Variants in ZSCAN1 observed in about 807,000 individuals in gnomAD.
ZSCAN1 encodes zinc finger and SCAN domain-containing protein 1.
In ZSCAN1, 23 loss-of-function variants were observed where a neutral mutation model predicts 23.8. That is an observed-to-expected ratio of 0.97 (90% confidence interval 0.70 to 1.37). The LOEUF is 1.37. ZSCAN1 is among the 40% of genes most tolerant of loss of function. The pLI is 0.00. For missense variants in ZSCAN1, 575 were observed against 554.0 expected, an observed-to-expected ratio of 1.04 and a Z score of -0.38; for synonymous variants, 236 against 232.3, an observed-to-expected ratio of 1.02 and a Z score of -0.15.
chr19:58,052,890 G>A lies in ZSCAN1; in HGVS notation c.604+262G>A, dbSNP rs142112211. On this transcript the variant is annotated intron_variant, in intron 5 of 5. Transcript: ENST00000282326. ...AGACAGTCTGAGAGTGTTGGAGCAC[G>A]GGGTTACCCAGAGGGCCAGCCAGGT... is the stretch of plus-strand genomic sequence containing the variant. Among the ~76,000 whole-genome samples, 46 of 152,098 alleles carry A rather than the reference G, an allele frequency of 3.0e-4. 1 individual carries two copies. The East Asian group carries it at 7.4e-3, about 24-fold the overall frequency.
intron 4 of ZSCAN1, among the ~76,000 whole-genome samples, chr19:58,046,951 C>T (rs2073830391): frequency 6.6e-6 from 1 of 152,202 alleles, no homozygotes; most frequent in Admixed American, 6.5e-5. Context: ...TCTGGAGTCC[C>T]AGAATCCCTC....
Position 58,040,278 on chromosome 19 carries a change from C to G in ZSCAN1, c.371-172C>G, listed in dbSNP as rs533845809. On this transcript the variant is annotated intron_variant, in intron 3 of 5. Transcript: ENST00000282326. This position sits in a 1 kb window ranked among gnomAD's most constrained non-coding sequence, Gnocchi z 5.8. ...GCGGCCCTCGGTGTCACCACAGGTT[C>G]CTGCCCAGCAGCCACATGGAGGGAC... Among the ~76,000 whole-genome samples the G allele has an allele frequency of 3.3e-4, 50 of 152,216 alleles. No homozygotes were observed. The highest frequency in any genetic ancestry group is 1.2e-3 in the African/African-American group (48 of 41,520).
intron 4 of ZSCAN1, among the ~76,000 whole-genome samples, chr19:58,042,482 T>A (rs2073796989): frequency 6.6e-6 from 1 of 152,032 alleles, no homozygotes; most frequent in African/African-American, 2.4e-5. Flanking sequence ...ATGGTCTCGA[T>A]CTCCTGACCT....
At chr19:58,046,136 T>C (rs2073823964) in intron 4 of ZSCAN1, 2 of 710,938 alleles carry the variant, frequency 2.8e-6, no homozygotes, top group Non-Finnish European at 5.1e-6. Context: ...TCAGAGACCA[T>C]GAAGGACACT....
intron 4 of ZSCAN1, among the ~76,000 whole-genome samples, chr19:58,043,349 G>A (rs2123428445): frequency 6.6e-6 from 1 of 152,354 alleles, no homozygotes; most frequent in African/African-American, 2.4e-5. Context: ...CACAGCACGG[G>A]GCTGCACTGA....
rs543027965 is a variant in ZSCAN1, at chr19:58,047,885, G to A, written c.466-4605G>A. 2.6e-5 allele frequency among the ~76,000 whole-genome samples: 4 copies of A among 152,324 alleles called. No individual in the cohort carries two copies. The highest frequency in any genetic ancestry group is 1.9e-4 in the East Asian group (1 of 5,176). On this transcript the variant is annotated intron_variant, in intron 4 of 5. Transcript: ENST00000282326. This position sits in a 1 kb window ranked among gnomAD's most constrained non-coding sequence, Gnocchi z 4.9. ...CACTCGGCAGCATGGTCGGGCTGGC[G>A]AGGGCGTGGGCAGGCAGTGTCCTGT...
chr19:58,055,460 G>A (rs905548441), downstream of ZSCAN1, among the ~76,000 whole-genome samples: 34 of 152,190 alleles, frequency 2.2e-4, no homozygotes, highest in African/African-American at 6.8e-4. Flanking sequence ...GGGGCTCCTG[G>A]CTCTATCCTA....
intron 1 of ZSCAN1, among the ~76,000 whole-genome samples, chr19:58,034,604 T>C (rs1599896600): frequency 1.6e-5 from 2 of 127,528 alleles, no homozygotes; most frequent in East Asian, 2.4e-4. Context: ...CCCGGACCCA[T>C]CTCCCTCCCT....
intron 1 of ZSCAN1, among the ~76,000 whole-genome samples, chr19:58,034,654 C>T (rs2073720996): frequency 7.0e-6 from 1 of 143,290 alleles, no homozygotes; most frequent in Non-Finnish European, 1.5e-5. Flanking sequence ...GAACAGCAGC[C>T]CCCGACCCGT....
At chr19:58,038,985 T>G (rs546843481) in intron 3 of ZSCAN1, among the ~76,000 whole-genome samples, 1 of 152,204 alleles carries the variant, frequency 6.6e-6, no homozygotes, top group East Asian at 1.9e-4. Flanking sequence ...AAGGGTTGCA[T>G]CAGAGCTCAC....
intron 4 of ZSCAN1, chr19:58,046,038 G>A (rs967947354): frequency 7.2e-5 from 50 of 690,876 alleles, no homozygotes; most frequent in East Asian, 7.1e-4. Context: ...CGGAGGTGGC[G>A]AAGGATGTTG....
Position 58,040,398 on chromosome 19 carries a change from T to C in ZSCAN1, c.371-52T>C, listed in dbSNP as rs2073778858. ...GCCCTCCCCAGAAGGCCTGGAGAAT[T>C]GGGGGCTCTGGGAAGAACAGGCCCC... is the stretch of plus-strand genomic sequence containing the variant. On this transcript the variant is annotated intron_variant, in intron 3 of 5. Transcript: ENST00000282326. This position sits in a 1 kb window ranked among gnomAD's most constrained non-coding sequence, Gnocchi z 5.8. 2 of 1,592,956 alleles carry C rather than the reference T, an allele frequency of 1.3e-6. No individual in the cohort carries two copies. Among genetic ancestry groups the C allele is most frequent in the African/African-American group, 2.7e-5 (2 of 74,440 alleles).
chr19:58,037,052 C>T (rs1002499257), intron 2 of ZSCAN1, among the ~76,000 whole-genome samples: 2 of 152,212 alleles, frequency 1.3e-5, no homozygotes, highest in East Asian at 1.9e-4. Flanking sequence ...TCTCCCTTGC[C>T]CTCTTCCTGG....
rs2073872988 is a variant in ZSCAN1, at chr19:58,053,616, C to G, written c.792C>G (p.Ser264=). ...NTDQSGRHQP[S]LKHTKGGTQE... is the part of the protein sequence containing the mutation. ...ACCAGAGCGGCCGCCACCAGCCATC[C>G]CTCAAGCACACCAAAGGTGGTACCC... Residue 264 remains serine, a synonymous_variant, in exon 6 of 6, where the codon TCC becomes TCG. Coordinates refer to ENST00000282326, the MANE Select transcript of ZSCAN1 (RefSeq NM_182572.4). This position sits in a 1 kb window ranked among gnomAD's most constrained non-coding sequence, Gnocchi z 5.8. 3 of 1,614,136 alleles carry G rather than the reference C, an allele frequency of 1.9e-6. No homozygotes were observed. Among genetic ancestry groups the G allele is most frequent in the Non-Finnish European group, 2.5e-6 (3 of 1,180,028 alleles).
chr19:58,037,725 C>A lies in ZSCAN1; in HGVS notation c.-109-3C>A. On this transcript the variant is annotated splice_polypyrimidine_tract_variant and splice_region_variant and intron_variant, in intron 2 of 5. Coordinates refer to ENST00000282326, the MANE Select transcript of ZSCAN1 (RefSeq NM_182572.4). ...ACCCCTCTGTCCCTGCCCCTCTCTG[C>A]AGGCCCCTGATTGCTGATTCTGTCC... The A allele has an allele frequency of 7.4e-7, 1 of 1,342,386 alleles. No individual in the cohort carries two copies. The allele number at this position is 1,342,386 out of a possible 1,614,324, so 83.2% of individuals were successfully genotyped here. A position where few individuals can be genotyped will look rare whatever the true frequency, so the allele number is the denominator to read the frequency against.
At chr19:58,044,647 G>A (rs113832778) in intron 4 of ZSCAN1, 2 of 1,003,260 alleles carry the variant, frequency 2.0e-6, no homozygotes, top group Admixed American at 2.0e-5. Context: ...TCCCGCCGCC[G>A]CCTCGGGTCA....
At chr19:58,044,798 G>A (rs2073813746) in intron 4 of ZSCAN1, 1 of 727,236 alleles carries the variant, frequency 1.4e-6, no homozygotes, top group South Asian at 1.5e-5. Context: ...GATCACCTCA[G>A]CTGTTGGACT....
At position 58,047,807 on chromosome 19, in the gene ZSCAN1, A is replaced by G. The variant is rs2073835694; in HGVS notation, c.466-4683A>G. Among the ~76,000 whole-genome samples, 1 of 152,086 alleles carries G rather than the reference A, an allele frequency of 6.6e-6. No individual in the cohort carries two copies. The highest frequency in any genetic ancestry group is 2.4e-5 in the African/African-American group (1 of 41,448). ...CATCCCCTGGGGCTTCAAGGGCAAC[A>G]CCCGCAGTGCTTAGGGTTTACCCTG... On this transcript the variant is annotated intron_variant, in intron 4 of 5. Coordinates refer to ENST00000282326, the MANE Select transcript of ZSCAN1 (RefSeq NM_182572.4). The surrounding 1 kb of genome is among the most constrained non-coding windows in gnomAD (Gnocchi z 4.9).
In ZSCAN1 at chr19:58,053,930, G is replaced by A. The variant is rs749756062; in HGVS notation, c.1106G>A (p.Gly369Asp). 1.2e-6 allele frequency: 2 copies of A among 1,612,626 alleles called. No individual in the cohort carries two copies. The highest frequency in any genetic ancestry group is 1.7e-6 in the Non-Finnish European group (2 of 1,179,120). The change falls in exon 6 of 6, where the codon GGC becomes GAC. Residue 369 changes from glycine (G) to aspartate (D), a missense_variant. Gly to Asp is a moderately conservative substitution (Grantham distance 94). Transcript: ENST00000282326. This position sits in a 1 kb window ranked among gnomAD's most constrained non-coding sequence, Gnocchi z 5.8. ...GTCCCACCCAGGGATGGAGCCCAGGGCCCAGTGGCCCCTCGCAGCCCCAAA... is the reference window on the plus strand; with the variant it reads ...GTCCCACCCAGGGATGGAGCCCAGGACCCAGTGGCCCCTCGCAGCCCCAAA... ...ESVPPRDGAQ[G>D]PVAPRSPKRP...
Sources: gnomAD v4.1 joint callset for allele counts (sites outside exome capture counted in the v4.1 genomes callset) on GRCh38, gnomAD v4.1.1 for gene constraint, Gnocchi (gnomAD v3.1) non-coding constraint, MANE v1.5 for transcripts, NCBI Gene and HGNC (gene_info 2026-07-23, HGNC 2026-07-21) for gene names.